GRIA1: variants seen among roughly 807,000 people sequenced by gnomAD.
The protein encoded by GRIA1 is glutamate receptor 1.
A neutral mutation model predicts 99.2 loss-of-function variants in GRIA1; 31 were observed. The observed-to-expected ratio is 0.31, with a 90% CI of 0.23 to 0.42. GRIA1 has a LOEUF of 0.42. Among genes scored for constraint, GRIA1 ranks in the 10% least tolerant of loss-of-function variants. GRIA1 has a pLI of 1.00. For synonymous variants in GRIA1, 438 were observed against 432.4 expected (o/e 1.01, Z -0.16); for missense variants, 782 against 1,157.5 (o/e 0.68, Z 4.71).
intron 11 of GRIA1, among the ~76,000 whole-genome samples, chr5:153,748,828 G>A (rs772373299): frequency 4.6e-5 from 7 of 152,130 alleles, no homozygotes; most frequent in Non-Finnish European, 7.4e-5. Context: ...CACATTTTTT[G>A]TGAGGGTTCA....
chr5:153,570,802 G>C (rs1236199164), intron 2 of GRIA1, among the ~76,000 whole-genome samples: 3 of 152,134 alleles, frequency 2.0e-5, no homozygotes, highest in Non-Finnish European at 4.4e-5. Flanking sequence ...CTGGCACATA[G>C]TAAGTGCTTC....
chr5:153,690,576 G>C (rs10477083), intron 8 of GRIA1, among the ~76,000 whole-genome samples: 14,199 of 152,160 alleles, frequency 0.093, 785 homozygotes, highest in African/African-American at 0.15. Flanking sequence ...GCCCACATTT[G>C]TTTACTTGTT....
chr5:153,719,153 G>T (rs1327427585), intron 11 of GRIA1, among the ~76,000 whole-genome samples: 1 of 152,150 alleles, frequency 6.6e-6, no homozygotes, highest in Non-Finnish European at 1.5e-5. Context: ...AATATGCAGG[G>T]CTTTCTCAAC....
chr5:153,790,559 C>T (rs1213796285), intron 13 of GRIA1, among the ~76,000 whole-genome samples: 1 of 152,128 alleles, frequency 6.6e-6, no homozygotes, highest in Non-Finnish European at 1.5e-5. Context: ...TTGCCCAAGA[C>T]AAAGTTCTCA....
chr5:153,527,380 C>T (rs1414803516), intron 2 of GRIA1, among the ~76,000 whole-genome samples: 1 of 152,174 alleles, frequency 6.6e-6, no homozygotes, highest in Non-Finnish European at 1.5e-5. Flanking sequence ...TTATTGTCTT[C>T]ATTTGGAAAT....
intron 2 of GRIA1, among the ~76,000 whole-genome samples, chr5:153,583,042 C>T (rs1483747280): frequency 6.6e-6 from 1 of 152,122 alleles, no homozygotes; most frequent in Non-Finnish European, 1.5e-5. Flanking sequence ...AAGCAATTCT[C>T]CCACCTCAGC....
At chr5:153,722,605 A>G (rs1760157206) in intron 11 of GRIA1, among the ~76,000 whole-genome samples, 1 of 152,214 alleles carries the variant, frequency 6.6e-6, no homozygotes, top group African/African-American at 2.4e-5. Context: ...CACATAAATC[A>G]GTTACCAAAT....
At chr5:153,636,301 T>C (rs1753356212) in intron 2 of GRIA1, among the ~76,000 whole-genome samples, 1 of 152,194 alleles carries the variant, frequency 6.6e-6, no homozygotes, top group Non-Finnish European at 1.5e-5. Flanking sequence ...TAATGCACTC[T>C]AAGTTATTAT....
At chr5:153,565,945 A>G (rs1304294269) in intron 2 of GRIA1, among the ~76,000 whole-genome samples, 2 of 152,040 alleles carry the variant, frequency 1.3e-5, no homozygotes, top group African/African-American at 4.8e-5. Context: ...TTCTTTTACA[A>G]GTTGTCATGT....
chr5:153,605,798 A>G (rs1290129855), intron 2 of GRIA1, among the ~76,000 whole-genome samples: 3 of 152,224 alleles, frequency 2.0e-5, no homozygotes, highest in Non-Finnish European at 2.9e-5. Context: ...AAGTGATAAC[A>G]GTTAATACCT....
At chr5:153,587,209 G>C (rs1763567175) in intron 2 of GRIA1, among the ~76,000 whole-genome samples, 1 of 151,912 alleles carries the variant, frequency 6.6e-6, no homozygotes, top group East Asian at 1.9e-4. Flanking sequence ...CTTCCAATAG[G>C]GACTGACTTC....
intron 2 of GRIA1, among the ~76,000 whole-genome samples, chr5:153,630,256 T>TC (rs1752845765): frequency 6.6e-6 from 1 of 151,112 alleles, no homozygotes; most frequent in Non-Finnish European, 1.5e-5. Context: ...TAATGATAAT[T>TC]ATCATCATCA....
intron 6 of GRIA1, 51 bp downstream of exon 6, chr5:153,674,712 G>GC (rs1194989419): frequency 6.4e-7 from 1 of 1,574,262 alleles, no homozygotes; most frequent in African/African-American, 1.4e-5. Context: ...CCCTTTGCCT[G>GC]CCCCAGATTT....
chr5:153,705,691 T>TTAA lies in GRIA1; in HGVS notation c.1453-5_1453-4insAAT. 7.7e-7 allele frequency: 1 copy of TTAA among 1,292,022 alleles called. No homozygotes were observed. Among genetic ancestry groups the TTAA allele is most frequent in the Non-Finnish European group, 9.9e-7 (1 of 1,012,030 alleles). The allele number at this position is 1,292,022 out of a possible 1,614,324, so 80.0% of individuals were successfully genotyped here. On this transcript the variant is annotated splice_polypyrimidine_tract_variant and splice_region_variant and intron_variant, in intron 10 of 15. Coordinates refer to ENST00000285900, the MANE Select transcript of GRIA1 (RefSeq NM_000827.4). ...TTTTTTTTTTTTTTTTTTTTTTTTTTTTCAGAGAGCAGATGTGGCTGTGGC... is the reference window on the plus strand; with the variant it reads ...TTTTTTTTTTTTTTTTTTTTTTTTTTTAATTCAGAGAGCAGATGTGGCTGTGGC...
intron 2 of GRIA1, among the ~76,000 whole-genome samples, chr5:153,591,773 G>A (rs184962726): frequency 6.6e-6 from 1 of 152,322 alleles, no homozygotes; most frequent in Admixed American, 6.5e-5. Flanking sequence ...GCAGATTCCT[G>A]CAGCAAGAAT....
chr5:153,543,135 G>A (rs1252129093), intron 2 of GRIA1, among the ~76,000 whole-genome samples: 1 of 152,186 alleles, frequency 6.6e-6, no homozygotes, highest in Non-Finnish European at 1.5e-5. Flanking sequence ...TAGGAGGGTT[G>A]GTGATGGTGA....
At chr5:153,646,402 A>C (rs1754150795) in intron 2 of GRIA1, among the ~76,000 whole-genome samples, 1 of 152,170 alleles carries the variant, frequency 6.6e-6, no homozygotes. Context: ...TTGATAGACA[A>C]TGTGAGGGGA....
At chr5:153,769,016 T>A (rs1763705355) in intron 12 of GRIA1, among the ~76,000 whole-genome samples, 1 of 152,128 alleles carries the variant, frequency 6.6e-6, no homozygotes, top group African/African-American at 2.4e-5. Flanking sequence ...ATGTGCAAGG[T>A]ACTCAGTTAG....
At chr5:153,718,009 G>T (rs2149535834) in intron 11 of GRIA1, among the ~76,000 whole-genome samples, 1 of 152,230 alleles carries the variant, frequency 6.6e-6, no homozygotes, top group African/African-American at 2.4e-5. Flanking sequence ...GCTTTATTTT[G>T]GTTCTGGCTA....
Sources: gnomAD v4.1 joint callset for allele counts (sites outside exome capture counted in the v4.1 genomes callset) on GRCh38, gnomAD v4.1.1 for gene constraint, MANE v1.5 for transcripts, NCBI Gene and HGNC (gene_info 2026-07-23, HGNC 2026-07-21) for gene names.